Variants in DERL2 observed in about 807,000 individuals in gnomAD.
DERL2 encodes the protein derlin 2, also known as derlin-2.
A neutral mutation model predicts 32.0 loss-of-function variants in DERL2; 13 were observed. The ratio of observed to expected loss-of-function variants is 0.41; its 90% CI spans 0.26 to 0.65. DERL2 has a LOEUF of 0.65. Ranked by LOEUF, DERL2 falls within the 30% of genes least tolerant of loss-of-function variation. The probability of loss-of-function intolerance (pLI) is 0.35; values close to 1 mark genes in which losing one functional copy is unlikely to be tolerated. For missense variants in DERL2, 208 were observed against 296.3 expected (o/e 0.70, Z 2.19); for synonymous variants, 111 against 104.7 (o/e 1.06, Z -0.37).
rs368073127 is a variant in DERL2, at chr17:5,474,824, G to C, written c.615-35C>G. 9 of 1,571,782 alleles carry C rather than the reference G, an allele frequency of 5.7e-6. No homozygotes were observed. The highest frequency in any genetic ancestry group is 1.7e-5 in the Admixed American group (1 of 59,022). On this transcript the variant is annotated intron_variant, in intron 6 of 6. Coordinates refer to ENST00000158771, the MANE Select transcript of DERL2 (RefSeq NM_016041.5). The surrounding 1 kb of genome is among the most constrained non-coding windows in gnomAD (Gnocchi z 4.3). The stretch of plus-strand genomic sequence containing the variant: ...AAGCAACAGATATAATTTGGTCCCA[G>C]AGTCATCTCAGGTCCAAAGTACTAC...
rs1358420957 is a variant in DERL2, at chr17:5,472,980, A to T, written c.*1704T>A. The T allele has an allele frequency of 6.6e-6, 1 of 152,232 alleles. No individual in the cohort carries two copies. Among genetic ancestry groups the T allele is most frequent in the Middle Eastern group, 3.2e-3 (1 of 316 alleles). 9.4% of individuals were successfully genotyped at this position (152,232 alleles called of 1,614,324 possible). ...ATAAAATTGCAACAATCATATTCAA[A>T]GTTATTAGCAACATGTAAAATACTT... On this transcript the variant is annotated 3_prime_UTR_variant, in exon 7 of 7. Coordinates refer to ENST00000158771, the MANE Select transcript of DERL2 (RefSeq NM_016041.5).
chr17:5,475,013 A>G (rs1905295053), intron 6 of DERL2, among the ~76,000 whole-genome samples: 1 of 152,244 alleles, frequency 6.6e-6, no homozygotes, highest in African/African-American at 2.4e-5. Context: ...AATCATAATA[A>G]TTACAGAGAA....
Position 5,481,589 on chromosome 17 carries a change from A to G in DERL2, c.234-200T>C, listed in dbSNP as rs527330976. 6.6e-6 allele frequency among the ~76,000 whole-genome samples: 1 copy of G among 152,276 alleles called. No homozygotes were observed. The highest frequency in any genetic ancestry group is 2.4e-5 in the African/African-American group (1 of 41,556). ...GGTCAAGACCAGCATCATTTTTTAC[A>G]AACTGTCCCTGGCTGGGAACTAATC... On this transcript the variant is annotated intron_variant, in intron 3 of 6. Transcript: ENST00000158771. The surrounding 1 kb of genome is among the most constrained non-coding windows in gnomAD (Gnocchi z 4.4).
chr17:5,475,260 T>TC (rs1905309078), intron 6 of DERL2, among the ~76,000 whole-genome samples: 1 of 147,428 alleles, frequency 6.8e-6, no homozygotes, highest in Non-Finnish European at 1.5e-5. Flanking sequence ...ATAATAGAAT[T>TC]TTTTTTTTTT....
At chr17:5,480,172 G>A (rs117113560) in intron 5 of DERL2, 28 bp from the exon 6 acceptor site, 43,934 of 1,489,884 alleles carry the variant, frequency 0.029, 789 homozygotes, top group Non-Finnish European at 0.031. Context: ...TAAAGGATGA[G>A]GGAGAGAATT....
rs2151699004 is a variant in DERL2, at chr17:5,474,648, C to G, written c.*36G>C. 1 of 1,512,700 alleles carries G rather than the reference C, an allele frequency of 6.6e-7. No homozygotes were observed. The highest frequency in any genetic ancestry group is 2.3e-5 in the East Asian group (1 of 43,460). 93.7% of individuals were successfully genotyped at this position (1,512,700 alleles called of 1,614,324 possible). On this transcript the variant is annotated 3_prime_UTR_variant, in exon 7 of 7. Transcript: ENST00000158771. The surrounding 1 kb of genome is among the most constrained non-coding windows in gnomAD (Gnocchi z 4.3). The stretch of plus-strand genomic sequence containing the variant: ...AAGATCCCAGTGGGTATCACCGAGT[C>G]CTTCCCAGCTGGGTCTCATTATTGG...
In DERL2 at chr17:5,480,558, C is replaced by T; in HGVS notation, c.352G>A (p.Val118Ile). 1 of 1,541,690 alleles carries T rather than the reference C, an allele frequency of 6.5e-7. No individual in the cohort carries two copies. Among genetic ancestry groups the T allele is most frequent in the Non-Finnish European group, 8.7e-7 (1 of 1,152,374 alleles). The change falls in exon 5 of 7, where the codon GTT (valine) becomes ATT (isoleucine). Residue 118 changes from valine (V) to isoleucine (I), a missense_variant. Around this residue, in one of 3 missense-constraint regions of DERL2, gnomAD observed 124 missense variants for 215.3 expected, o/e 0.58. Transcript: ENST00000158771. ...ATTGTAAAGGCCTGGCCCAAGAAAACTAAGCTCACAAACAGACCAAAAAGC... is the reference window on the plus strand; with the variant it reads ...ATTGTAAAGGCCTGGCCCAAGAAAATTAAGCTCACAAACAGACCAAAAAGC... ...MTLFGLFVSLVFLGQAFTIML... is the reference protein window; with the variant it reads ...MTLFGLFVSLIFLGQAFTIML...
At chr17:5,475,003 A>G (rs2151699381) in intron 6 of DERL2, among the ~76,000 whole-genome samples, 1 of 152,364 alleles carries the variant, frequency 6.6e-6, no homozygotes, top group Middle Eastern at 3.4e-3. Context: ...AAGCAATCCA[A>G]ATCATAATAA....
chr17:5,480,381 C>A lies in DERL2; in HGVS notation c.523+6G>T. 1 of 1,607,114 alleles carries A rather than the reference C, an allele frequency of 6.2e-7. No homozygotes were observed. Among genetic ancestry groups the A allele is most frequent in the Non-Finnish European group, 8.5e-7 (1 of 1,177,988 alleles). On this transcript the variant is annotated splice_donor_region_variant and intron_variant, in intron 5 of 6. Transcript: ENST00000158771. ...ATAATTTAAAAAATAGTGAGAAGAG[C>A]CTTACCCAAAAGGTCCACAATGATT...
At chr17:5,486,364 CCAGCG>C (rs1906313652), upstream of DERL2, 1 of 506,860 alleles carries the variant, frequency 2.0e-6, no homozygotes, top group African/African-American at 2.0e-5. Flanking sequence ...CCGCCCCCCC[CCAGCG>C]CCCCATCTCC....
At position 5,474,762 on chromosome 17, in the gene DERL2, C is replaced by T; in HGVS notation, c.642G>A (p.Glu214=). 1 of 1,613,804 alleles carries T rather than the reference C, an allele frequency of 6.2e-7. No individual in the cohort carries two copies. The highest frequency in any genetic ancestry group is 8.5e-7 in the Non-Finnish European group (1 of 1,179,890). ...ILKAIFDTPD[E]DPNYNPLPEE... ...CAGGTAGTGGATTGTAATTTGGATC[C>T]TCATCTGGTGTATCAAAAATAGCTT... is the stretch of plus-strand genomic sequence containing the variant. The change falls in exon 7 of 7, where the codon GAG becomes GAA. Residue 214 remains glutamate, a synonymous_variant. Coordinates refer to ENST00000158771, the MANE Select transcript of DERL2 (RefSeq NM_016041.5). This position sits in a 1 kb window ranked among gnomAD's most constrained non-coding sequence, Gnocchi z 4.3.
Position 5,471,640 on chromosome 17 carries a change from A to C in DERL2, c.*3044T>G, listed in dbSNP as rs1307105502. 6.6e-6 allele frequency: 1 copy of C among 152,234 alleles called. No individual in the cohort carries two copies. Among genetic ancestry groups the C allele is most frequent in the East Asian group, 1.9e-4 (1 of 5,204 alleles). The allele number at this position is 152,234 out of a possible 1,614,324, so 9.4% of individuals were successfully genotyped here. A position where few individuals can be genotyped will look rare whatever the true frequency, so the allele number is the denominator to read the frequency against. ...AAGTATGCATATAATGTAGGGGCTT[A>C]CTAAGAAGTCACTGTGGATTTCTGA... On this transcript the variant is annotated 3_prime_UTR_variant, in exon 7 of 7. Transcript: ENST00000158771.
At chr17:5,476,552 AG>A (rs1167210077) in intron 6 of DERL2, among the ~76,000 whole-genome samples, 1 of 151,944 alleles carries the variant, frequency 6.6e-6, no homozygotes, top group Non-Finnish European at 1.5e-5. Context: ...GAGGCCGAGG[AG>A]GGTGGATCAC....
At chr17:5,484,121 T>A (rs977875939) in intron 2 of DERL2, among the ~76,000 whole-genome samples, 1 of 152,216 alleles carries the variant, frequency 6.6e-6, no homozygotes, top group African/African-American at 2.4e-5. Context: ...TCAATGGATA[T>A]AAAGTGAATG....
chr17:5,476,734 T>C (rs1378527131), intron 6 of DERL2, among the ~76,000 whole-genome samples: 4 of 152,116 alleles, frequency 2.6e-5, no homozygotes, highest in African/African-American at 9.7e-5. Flanking sequence ...TGAGCCGAGA[T>C]TGAGCCACTG....
chr17:5,483,032 C>A, intron 2 of DERL2, 150 bp from the exon 3 acceptor site: 1 of 432,066 alleles, frequency 2.3e-6, no homozygotes, highest in South Asian at 4.4e-5. Flanking sequence ...AAAACGGGGG[C>A]ATATAATCTG....
intron 2 of DERL2, among the ~76,000 whole-genome samples, chr17:5,483,223 T>C (rs1805457): frequency 0.17 from 26,098 of 151,774 alleles, 3,012 homozygotes; most frequent in African/African-American, 0.33. Flanking sequence ...TATCATCATA[T>C]AATAAATAGA....
chr17:5,481,395 G>A lies in DERL2; in HGVS notation c.234-6C>T, dbSNP rs759029496. The stretch of plus-strand genomic sequence containing the variant: ...GCATTCGACAGTAACGATATCTTAA[G>A]TTCCAAGTTAAGAAAATATTAAGCA... On this transcript the variant is annotated splice_region_variant and splice_polypyrimidine_tract_variant and intron_variant, in intron 3 of 6. Transcript: ENST00000158771. This position sits in a 1 kb window ranked among gnomAD's most constrained non-coding sequence, Gnocchi z 4.4. 3 of 1,603,636 alleles carry A rather than the reference G, an allele frequency of 1.9e-6. No homozygotes were observed. The South Asian group carries it at 3.3e-5, about 18-fold the overall frequency.
At chr17:5,477,819 C>T (rs1905490272) in intron 6 of DERL2, 1 of 152,138 alleles carries the variant, frequency 6.6e-6, no homozygotes, top group South Asian at 2.1e-4. Flanking sequence ...TAAAAATATA[C>T]ACATGTATAC....
Sources: gnomAD v4.1 joint callset for allele counts (sites outside exome capture counted in the v4.1 genomes callset) on GRCh38, gnomAD v4.1.1 for gene constraint, gnomAD v4.1.1 regional missense constraint, Gnocchi (gnomAD v3.1) non-coding constraint, MANE v1.5 for transcripts, NCBI Gene and HGNC (gene_info 2026-07-23, HGNC 2026-07-21) for gene names.